The following AHNAK variants were observed in gnomAD, a reference collection of about 807,000 sequenced individuals.
The protein encoded by AHNAK is AHNAK nucleoprotein.
AHNAK carries 23 observed loss-of-function variants against 37.8 expected under a neutral mutation model. The observed-to-expected ratio is 0.61, with a 90% CI of 0.44 to 0.86. The LOEUF (loss-of-function observed/expected upper bound fraction) is 0.86, where lower values mean the gene tolerates loss of function less well. Among genes scored for constraint, AHNAK ranks in the 40% least tolerant of loss-of-function variants. The probability of loss-of-function intolerance (pLI) is 0.00; values close to 1 mark genes in which losing one functional copy is unlikely to be tolerated. For synonymous variants in AHNAK, 2,481 were observed against 2,636.3 expected (o/e 0.94, Z 1.80); for missense variants, 7,411 against 7,319.4 (o/e 1.01, Z -0.46).
Position 62,521,990 on chromosome 11 carries a change from T to C in AHNAK, c.12427A>G (p.Met4143Val), listed in dbSNP as rs1024177395. ...AGAGAAACGTCCACGTCGCCCTTCA[T>C]CTTTGGACCTTTCAGATTCAGGTCA... ...EVDLNLKGPK[M>V]KGDVDVSLPK... Residue 4143 changes from methionine to valine, a missense_variant, in exon 5 of 5, where the codon ATG (methionine) becomes GTG (valine). Met to Val is a conservative substitution (Grantham distance 21). Transcript: ENST00000378024. The C allele has an allele frequency of 1.9e-6, 3 of 1,612,826 alleles. No individual in the cohort carries two copies. Among genetic ancestry groups the C allele is most frequent in the African/African-American group, 2.7e-5 (2 of 74,596 alleles).
In AHNAK at chr11:62,517,959, T is replaced by C; in HGVS notation, c.16458A>G (p.Gln5486=). Reference sequence around the variant, plus strand: ...GCATCTGGAGGTTTCCTTCTAGGCCTTGAACACCAATGCCTGGAAGACCTC... The same window carrying C: ...GCATCTGGAGGTTTCCTTCTAGGCCCTGAACACCAATGCCTGGAAGACCTC... ...VGGGLPGIGV[Q]GLEGNLQMPG... The change falls in exon 5 of 5, where the codon CAA becomes CAG. Residue 5486 remains glutamine, a synonymous_variant. Transcript: ENST00000378024. 6.2e-7 allele frequency: 1 copy of C among 1,614,212 alleles called. No homozygotes were observed. The highest frequency in any genetic ancestry group is 8.5e-7 in the Non-Finnish European group (1 of 1,180,032).
At chr11:62,484,164 A>G (rs986823698) in intron 5 of AHNAK, among the ~76,000 whole-genome samples, 10 of 151,524 alleles carry the variant, frequency 6.6e-5, no homozygotes, top group African/African-American at 2.4e-4. Context: ...ATCACTTGAG[A>G]CCAAGAGCTC....
chr11:62,538,383 A>T (rs758623009), intron 1 of AHNAK, among the ~76,000 whole-genome samples: 1 of 152,224 alleles, frequency 6.6e-6, no homozygotes, highest in Non-Finnish European at 1.5e-5. Context: ...TGTCATCTGC[A>T]GGTGCCCTAG....
chr11:62,544,495 T>C (rs1284162083), intron 1 of AHNAK, among the ~76,000 whole-genome samples: 1 of 152,090 alleles, frequency 6.6e-6, no homozygotes, highest in Admixed American at 6.5e-5. Flanking sequence ...AGACACCCTC[T>C]AACCCACATT....
intron 4 of AHNAK, among the ~76,000 whole-genome samples, chr11:62,503,360 G>A (rs999208320): frequency 3.9e-5 from 6 of 152,132 alleles, no homozygotes; most frequent in African/African-American, 9.7e-5. Flanking sequence ...AGGCCAAGGC[G>A]GGGGGATCCT....
intron 4 of AHNAK, among the ~76,000 whole-genome samples, chr11:62,498,328 T>C (rs1939650542): frequency 1.3e-5 from 2 of 152,126 alleles, no homozygotes; most frequent in South Asian, 4.2e-4. Context: ...CACGCAAGTG[T>C]GTTTGGAACA....
chr11:62,509,289 C>T (rs780560276), intron 4 of AHNAK, among the ~76,000 whole-genome samples: 1 of 152,114 alleles, frequency 6.6e-6, no homozygotes, highest in Non-Finnish European at 1.5e-5. Context: ...AATAAACAGC[C>T]GGGCACGGTG....
intron 5 of AHNAK, among the ~76,000 whole-genome samples, chr11:62,487,062 G>A (rs1399080589): frequency 4.6e-5 from 7 of 152,180 alleles, no homozygotes; most frequent in Non-Finnish European, 8.8e-5. Context: ...GAGCTAAGGG[G>A]TTTGAAACAA....
chr11:62,455,820 G>A (rs917415733), intron 5 of AHNAK, among the ~76,000 whole-genome samples: 6 of 144,542 alleles, frequency 4.2e-5, no homozygotes, highest in African/African-American at 1.0e-4. Flanking sequence ...AGCCAAGATC[G>A]CACCATTGCA....
chr11:62,501,396 A>G (rs1939709156), intron 4 of AHNAK, among the ~76,000 whole-genome samples: 1 of 152,076 alleles, frequency 6.6e-6, no homozygotes, highest in Non-Finnish European at 1.5e-5. Flanking sequence ...ATGAAATTCC[A>G]TCTCTACTAA....
chr11:62,445,743 G>T, intron 5 of AHNAK, among the ~76,000 whole-genome samples: 1 of 146,952 alleles, frequency 6.8e-6, no homozygotes, highest in East Asian at 2.1e-4. Flanking sequence ...CAGTCCGGGC[G>T]CAGTGGTTCA....
At chr11:62,492,763 A>C (rs1939525362) in intron 4 of AHNAK, among the ~76,000 whole-genome samples, 1 of 151,632 alleles carries the variant, frequency 6.6e-6, no homozygotes, top group Admixed American at 6.6e-5. Flanking sequence ...CCGTAGTCCC[A>C]GCTACTCAGG....
chr11:62,482,412 C>CA (rs11389683), intron 5 of AHNAK, among the ~76,000 whole-genome samples: 136,133 of 149,244 alleles, frequency 0.91, 62,281 homozygotes, highest in African/African-American at 0.97. Flanking sequence ...GAGACTGTCT[C>CA]AAAAAAAAAA....
In AHNAK at chr11:62,517,293, T is replaced by C. The variant is rs758323900; in HGVS notation, c.17124A>G (p.Lys5708=). 24 of 1,614,148 alleles carry C rather than the reference T, an allele frequency of 1.5e-5. No individual in the cohort carries two copies. The highest frequency in any genetic ancestry group is 1.9e-5 in the Non-Finnish European group (23 of 1,180,032). Residue 5708 remains lysine, a synonymous_variant, in exon 5 of 5, where the codon AAA becomes AAG. Coordinates refer to ENST00000378024, the MANE Select transcript of AHNAK (RefSeq NM_001620.3). ...ACTTGGGCATTTTGATCTTGGACTT[T>C]TTCAGTTTGACTTCAGACTCTTCCC... ...GEWEESEVKL[K]KSKIKMPKFN... is the part of the protein sequence containing the mutation.
In AHNAK at chr11:62,516,957, C is replaced by T; in HGVS notation, c.17460G>A (p.Leu5820=). The T allele has an allele frequency of 6.2e-7, 1 of 1,614,188 alleles. No homozygotes were observed. Among genetic ancestry groups the T allele is most frequent in the Non-Finnish European group, 8.5e-7 (1 of 1,180,016 alleles). The change falls in exon 5 of 5, where the codon CTG becomes CTA. Residue 5820 remains leucine, a synonymous_variant. Transcript: ENST00000378024. ...GGKVKGKHGK[L]KFGTFGGLGS... ...CCAATCCACCAAAGGTACCGAATTT[C>T]AGCTTCCCGTGTTTCCCTTTAACTT...
In AHNAK at chr11:62,527,449, C is replaced by T. The variant is rs1170079343; in HGVS notation, c.6968G>A (p.Gly2323Glu). ...SMPDVDFNLK[G>E]PKIKGDVDVS... The stretch of plus-strand genomic sequence containing the variant: ...ATCAACATCTCCTTTGATTTTGGGT[C>T]CCTTTAAATTGAAATCAACATCAGG... The change falls in exon 5 of 5, where the codon GGA becomes GAA. Residue 2323 changes from glycine (G) to glutamate (E), a missense_variant. By Grantham distance (98) the Gly-to-Glu change is moderately conservative. Transcript: ENST00000378024. 1.9e-6 allele frequency: 3 copies of T among 1,614,022 alleles called. No homozygotes were observed. The highest frequency in any genetic ancestry group is 2.5e-6 in the Non-Finnish European group (3 of 1,180,028).
At chr11:62,437,253 A>G (rs535392099) in intron 5 of AHNAK, among the ~76,000 whole-genome samples, 1 of 152,264 alleles carries the variant, frequency 6.6e-6, no homozygotes, top group African/African-American at 2.4e-5. Context: ...TATTTCTCCA[A>G]TCTTCTGTTG....
rs1940544913 is a variant in AHNAK, at chr11:62,527,591, C to T, written c.6826G>A (p.Gly2276Arg). The change falls in exon 5 of 5, where the codon GGA becomes AGA. Residue 2276 changes from glycine to arginine, a missense_variant. Physicochemically the swap from Gly to Arg is moderately radical, Grantham distance 125. Coordinates refer to ENST00000378024, the MANE Select transcript of AHNAK (RefSeq NM_001620.3). ...GGGACTTCAACATCCACCTTGGGTC[C>T]TGAGACATCAACGTCAGCCTTGGGC... ...NLPKADVDVS[G>R]PKVDVEVPDV... is the part of the protein sequence containing the mutation. 2.5e-6 allele frequency: 4 copies of T among 1,613,662 alleles called. No homozygotes were observed. The highest frequency in any genetic ancestry group is 1.1e-5 in the South Asian group (1 of 91,042).
rs952932769 is a variant in AHNAK at position 62,529,630 on chromosome 11, T to C, written c.4787A>G (p.Asp1596Gly). ...CACTTTGGGAAGGGAAACATCTACA[T>C]CAGTTTTCAGTTTAGGGGCTTTCAA... ...LNLKAPKLKTDVDVSLPKVEG... is the reference protein window; with the variant it reads ...LNLKAPKLKTGVDVSLPKVEG... The change falls in exon 5 of 5, where the codon GAT (aspartate) becomes GGT (glycine). Residue 1596 changes from aspartate to glycine, a missense_variant. Coordinates refer to ENST00000378024, the MANE Select transcript of AHNAK (RefSeq NM_001620.3). 1 of 1,614,132 alleles carries C rather than the reference T, an allele frequency of 6.2e-7. No homozygotes were observed. Among genetic ancestry groups the C allele is most frequent in the Non-Finnish European group, 8.5e-7 (1 of 1,180,024 alleles).
Sources: gnomAD v4.1 joint callset for allele counts (sites outside exome capture counted in the v4.1 genomes callset) on GRCh38, gnomAD v4.1.1 for gene constraint, MANE v1.5 for transcripts, NCBI Gene and HGNC (gene_info 2026-07-23, HGNC 2026-07-21) for gene names.